RFTN1: variants seen among roughly 807,000 people sequenced by gnomAD.
The protein encoded by RFTN1 is raftlin.
In RFTN1, 26 loss-of-function variants were observed where a neutral mutation model predicts 46.5. The ratio of observed to expected loss-of-function variants is 0.56; its 90% confidence interval spans 0.41 to 0.78. RFTN1 has a LOEUF of 0.78. Among genes scored for constraint, RFTN1 ranks in the 30% least tolerant of loss-of-function variants. The pLI, the probability that RFTN1 is intolerant of heterozygous loss-of-function variation, is 0.00. For synonymous variants in RFTN1, 261 were observed against 284.2 expected, an observed-to-expected ratio of 0.92 and a Z score of 0.82; for missense variants, 693 against 718.7, an observed-to-expected ratio of 0.96 and a Z score of 0.41.
Position 16,509,019 on chromosome 3 carries a change from T to C in RFTN1, c.-9+4423A>G, listed in dbSNP as rs1431752911. 6.6e-6 allele frequency among the ~76,000 whole-genome samples: 1 copy of C among 152,240 alleles called. No homozygotes were observed. Among genetic ancestry groups the C allele is most frequent in the African/African-American group, 2.4e-5 (1 of 41,464 alleles). On this transcript the variant is annotated intron_variant, in intron 1 of 9. Coordinates refer to ENST00000334133, the MANE Select transcript of RFTN1 (RefSeq NM_015150.2). This position sits in a 1 kb window ranked among gnomAD's most constrained non-coding sequence, Gnocchi z 4.9. Reference sequence around the variant, plus strand: ...TCTTTTAATTCATTACATTTAAATGTAAATAGCCACATGTAACTAGTGGCT... The same window carrying C: ...TCTTTTAATTCATTACATTTAAATGCAAATAGCCACATGTAACTAGTGGCT...
chr3:16,468,254 C>T lies in RFTN1; in HGVS notation c.145+25471G>A, dbSNP rs1421930456. On this transcript the variant is annotated intron_variant, in intron 2 of 9. Coordinates refer to ENST00000334133, the MANE Select transcript of RFTN1 (RefSeq NM_015150.2). The surrounding 1 kb of genome is among the most constrained non-coding windows in gnomAD (Gnocchi z 4.4). ...CCCTTTCAGCTGACAGGCTTCTTAT[C>T]TTTTTCATTTGGAAACTTATCTGTA... Among the ~76,000 whole-genome samples, 4 of 152,170 alleles carry T rather than the reference C, an allele frequency of 2.6e-5. No homozygotes were observed. The highest frequency in any genetic ancestry group is 2.9e-5 in the Non-Finnish European group (2 of 68,024).
Position 16,509,979 on chromosome 3 carries a change from C to T in RFTN1, c.-9+3463G>A, listed in dbSNP as rs747517033. Among the ~76,000 whole-genome samples, 1 of 152,192 alleles carries T rather than the reference C, an allele frequency of 6.6e-6. No individual in the cohort carries two copies. Among genetic ancestry groups the T allele is most frequent in the Non-Finnish European group, 1.5e-5 (1 of 68,040 alleles). On this transcript the variant is annotated intron_variant, in intron 1 of 9. Transcript: ENST00000334133. The surrounding 1 kb of genome is among the most constrained non-coding windows in gnomAD (Gnocchi z 4.9). The stretch of plus-strand genomic sequence containing the variant: ...CATGCATCCTGGGGTCCCACTCAGA[C>T]AGAAAAGTTCACTTCCCGTTTCCTA...
At chr3:16,420,509 A>G (rs1011794105) in intron 3 of RFTN1, among the ~76,000 whole-genome samples, 1 of 152,208 alleles carries the variant, frequency 6.6e-6, no homozygotes. Context: ...GTTAGGTTAC[A>G]AGAAGCCTCT....
intron 3 of RFTN1, among the ~76,000 whole-genome samples, chr3:16,432,918 A>C (rs1281513622): frequency 6.6e-6 from 1 of 152,216 alleles, no homozygotes; most frequent in Non-Finnish European, 1.5e-5. Context: ...AGTCTTAGAC[A>C]CGCAACCTCA....
rs572105499 is a variant in RFTN1, at chr3:16,493,607, C to T, written c.145+118G>A. On this transcript the variant is annotated intron_variant, in intron 2 of 9. Transcript: ENST00000334133. ...AAGCCGCCCCCTTGAGACAGGCCTG[C>T]CCTTTTCATTTCTTCACAGCCCCCA... 43 of 956,012 alleles carry T rather than the reference C, an allele frequency of 4.5e-5. 1 individual carries two copies. In the South Asian group the frequency reaches 7.1e-4, roughly 16 times the overall value. The allele number at this position is 956,012 out of a possible 1,614,324, so 59.2% of individuals were successfully genotyped here.
intron 3 of RFTN1, among the ~76,000 whole-genome samples, chr3:16,414,307 A>G (rs917945695): frequency 1.3e-4 from 20 of 151,722 alleles, no homozygotes; most frequent in Non-Finnish European, 1.8e-4. Context: ...AAAAAAAAAA[A>G]AAAGAAAGAA....
At chr3:16,398,244 CAAAAAAAAAAAA>C (rs202032095) in intron 4 of RFTN1, among the ~76,000 whole-genome samples, 10 of 110,852 alleles carry the variant, frequency 9.0e-5, no homozygotes, top group Admixed American at 7.1e-4. Flanking sequence ...AAGACTGTCT[CAAAAAAAAAAAA>C]AAAAAAAAAA....
intron 7 of RFTN1, among the ~76,000 whole-genome samples, chr3:16,330,057 AT>A (rs748710473): frequency 1.3e-5 from 2 of 152,056 alleles, no homozygotes; most frequent in Non-Finnish European, 2.9e-5. Flanking sequence ...TCTCCCAAAC[AT>A]TTTTTCCCCC....
At chr3:16,363,951 G>A (rs947381379) in intron 6 of RFTN1, among the ~76,000 whole-genome samples, 9 of 152,212 alleles carry the variant, frequency 5.9e-5, no homozygotes, top group Non-Finnish European at 1.2e-4. Flanking sequence ...TGTAATCACC[G>A]CTCAACCAAT....
chr3:16,317,728 T>C lies in RFTN1; in HGVS notation c.1333-496A>G, dbSNP rs1249980700. Among the ~76,000 whole-genome samples, 1 of 151,832 alleles carries C rather than the reference T, an allele frequency of 6.6e-6. No individual in the cohort carries two copies. Among genetic ancestry groups the C allele is most frequent in the Non-Finnish European group, 1.5e-5 (1 of 68,014 alleles). The stretch of plus-strand genomic sequence containing the variant: ...TGGGGCAGACACTGTGCTGTACCGC[T>C]CAGATCCCCCCACAGGACTGGCGGG... On this transcript the variant is annotated intron_variant, in intron 9 of 9. Transcript: ENST00000334133. This position sits in a 1 kb window ranked among gnomAD's most constrained non-coding sequence, Gnocchi z 4.3.
At chr3:16,364,153 G>A (rs2073005401) in intron 6 of RFTN1, among the ~76,000 whole-genome samples, 1 of 152,208 alleles carries the variant, frequency 6.6e-6, no homozygotes, top group South Asian at 2.1e-4. Context: ...TCTTCAGGTA[G>A]AAAAGGGTTA....
intron 2 of RFTN1, among the ~76,000 whole-genome samples, chr3:16,438,756 G>A (rs2075564956): frequency 6.6e-6 from 1 of 152,010 alleles, no homozygotes; most frequent in South Asian, 2.1e-4. Flanking sequence ...GGATCACGTG[G>A]GATGATGTGT....
intron 2 of RFTN1, among the ~76,000 whole-genome samples, chr3:16,444,341 G>C (rs913070479): frequency 2.0e-5 from 3 of 152,192 alleles, no homozygotes; most frequent in Non-Finnish European, 1.5e-5. Flanking sequence ...AAAATGATTT[G>C]TCATAGAAAT....
At chr3:16,392,980 G>C (rs985409574) in intron 4 of RFTN1, among the ~76,000 whole-genome samples, 9 of 152,160 alleles carry the variant, frequency 5.9e-5, no homozygotes, top group African/African-American at 2.2e-4. Context: ...GCAAGCCTTG[G>C]AAACACACAG....
Position 16,413,935 on chromosome 3 carries a change from A to G in RFTN1, c.333-4452T>C, listed in dbSNP as rs996036650. Among the ~76,000 whole-genome samples, 1 of 152,226 alleles carries G rather than the reference A, an allele frequency of 6.6e-6. No homozygotes were observed. The highest frequency in any genetic ancestry group is 2.4e-5 in the African/African-American group (1 of 41,452). On this transcript the variant is annotated intron_variant, in intron 3 of 9. Coordinates refer to ENST00000334133, the MANE Select transcript of RFTN1 (RefSeq NM_015150.2). The surrounding 1 kb of genome is among the most constrained non-coding windows in gnomAD (Gnocchi z 4.7). The stretch of plus-strand genomic sequence containing the variant: ...CTTTCACTAATGAATGGGATATTAT[A>G]CGGAGCTACCTCTTAACATTGCTGT...
chr3:16,396,970 G>A (rs1016842549), intron 4 of RFTN1, among the ~76,000 whole-genome samples: 3 of 150,776 alleles, frequency 2.0e-5, no homozygotes, highest in Admixed American at 2.0e-4. Context: ...GGCTGAGGCA[G>A]GAGAATCGCT....
intron 1 of RFTN1, among the ~76,000 whole-genome samples, chr3:16,505,221 C>T (rs1439163326): frequency 6.6e-6 from 1 of 152,206 alleles, no homozygotes; most frequent in East Asian, 1.9e-4. Flanking sequence ...CTCAATCTCC[C>T]TCCATCCTCC....
rs1316703995 is a variant in RFTN1 at position 16,343,466 on chromosome 3, T to C, written c.1146+14466A>G. Among the ~76,000 whole-genome samples the C allele has an allele frequency of 2.6e-5, 4 of 152,214 alleles. No homozygotes were observed. In the East Asian group the frequency reaches 7.7e-4, roughly 29 times the overall value. ...GTTTTTTCCTCCTCCAAGATAAACA[T>C]GTCCAATTGTTTCCCACCATTTCCA... On this transcript the variant is annotated intron_variant, in intron 7 of 9. Coordinates refer to ENST00000334133, the MANE Select transcript of RFTN1 (RefSeq NM_015150.2).
rs1424544551 is a variant in RFTN1 at position 16,345,714 on chromosome 3, C to T, written c.1146+12218G>A. The stretch of plus-strand genomic sequence containing the variant: ...CCATACCACTGGCTTTCCTGGGTCT[C>T]CAGCTTGCAGATAGCAGACTGTGGG... On this transcript the variant is annotated intron_variant, in intron 7 of 9. Coordinates refer to ENST00000334133, the MANE Select transcript of RFTN1 (RefSeq NM_015150.2). The surrounding 1 kb of genome is among the most constrained non-coding windows in gnomAD (Gnocchi z 5.2). Among the ~76,000 whole-genome samples, 2 of 151,982 alleles carry T rather than the reference C, an allele frequency of 1.3e-5. No individual in the cohort carries two copies. The highest frequency in any genetic ancestry group is 4.8e-5 in the African/African-American group (2 of 41,358).
Sources: allele counts gnomAD v4.1 joint callset (sites outside exome capture counted in the v4.1 genomes callset), GRCh38; gene constraint gnomAD v4.1.1; non-coding constraint Gnocchi (gnomAD v3.1); transcripts MANE v1.5; gene names NCBI Gene and HGNC (gene_info 2026-07-23, HGNC 2026-07-21).